The following CDK13 variants were observed in gnomAD, a reference collection of about 807,000 sequenced individuals.
CDK13 encodes the protein cyclin-dependent kinase 13.
A neutral mutation model predicts 137.6 loss-of-function variants in CDK13; 40 were observed. The observed-to-expected ratio is 0.29, with a 90% CI of 0.23 to 0.38. CDK13 has a LOEUF of 0.38. Among genes scored for constraint, CDK13 ranks in the 10% least tolerant of loss-of-function variants. The pLI is 1.00. For synonymous variants in CDK13, 869 were observed against 760.1 expected (o/e 1.14, Z -2.36); for missense variants, 1,704 against 1,951.8 (o/e 0.87, Z 2.39).
chr7:39,960,656 C>A (rs762958571), intron 1 of CDK13, among the ~76,000 whole-genome samples: 2 of 152,100 alleles, frequency 1.3e-5, no homozygotes, highest in Non-Finnish European at 2.9e-5. Context: ...ACTGTAACAA[C>A]CTACGCCTCC....
chr7:40,031,324 C>T (rs1785372922), intron 5 of CDK13, among the ~76,000 whole-genome samples: 1 of 152,126 alleles, frequency 6.6e-6, no homozygotes, highest in African/African-American at 2.4e-5. Context: ...GAGTTCAAGA[C>T]CAGCCCGGCC....
At chr7:40,073,623 C>T (rs117026957) in intron 9 of CDK13, 13,385 of 147,852 alleles carry the variant, frequency 0.091, 965 homozygotes, top group East Asian at 0.31. Context: ...GACAGAGCCT[C>T]GCTGTGTTGC....
Position 39,951,606 on chromosome 7 carries a change from G to A in CDK13, c.965G>A (p.Arg322Gln), listed in dbSNP as rs1414182204. The A allele has an allele frequency of 3.4e-6, 5 of 1,482,462 alleles. No individual in the cohort carries two copies. Among genetic ancestry groups the A allele is most frequent in the Non-Finnish European group, 3.6e-6 (4 of 1,119,524 alleles). 91.8% of individuals were successfully genotyped at this position (1,482,462 alleles called of 1,614,324 possible). The change falls in exon 1 of 14, where the codon CGG becomes CAG. Residue 322 changes from arginine to glutamine, a missense_variant. By Grantham distance (43) the Arg-to-Gln change is conservative (BLOSUM62 1). Transcript: ENST00000181839. The part of the protein sequence containing the change: ...RRRSLSPLGG[R>Q]DDSPVSHRAS... ...CGGTCCCTCAGCCCACTGGGAGGCC[G>A]GGACGACAGCCCGGTGTCCCACAGG...
In CDK13 at chr7:40,096,938, A is replaced by G. The variant is rs1228332392; in HGVS notation, c.*1958A>G. ...ATTTTGAAATTAGCAAAATAGCAAC[A>G]GTATTCAAGTATCTGAAATTTTAAT... On this transcript the variant is annotated 3_prime_UTR_variant, in exon 14 of 14. Transcript: ENST00000181839. 2.6e-5 allele frequency: 4 copies of G among 152,280 alleles called. No homozygotes were observed. Among genetic ancestry groups the G allele is most frequent in the Non-Finnish European group, 5.9e-5 (4 of 67,984 alleles). The allele number at this position is 152,280 out of a possible 1,614,324, so 9.4% of individuals were successfully genotyped here.
chr7:40,095,062 TGAA>T lies in CDK13; in HGVS notation c.*83_*85del. 1 of 1,164,770 alleles carries T rather than the reference TGAA, an allele frequency of 8.6e-7. No homozygotes were observed. The allele number at this position is 1,164,770 out of a possible 1,614,324, so 72.2% of individuals were successfully genotyped here. A position where few individuals can be genotyped will look rare whatever the true frequency, so the allele number is the denominator to read the frequency against. ...ATTTAAGGCAGCAATCCAAGAGACTTGAATAATAATAATTCAACAACAGCTTTA... is the reference window on the plus strand; with the variant it reads ...ATTTAAGGCAGCAATCCAAGAGACTTTAATAATAATTCAACAACAGCTTTA... On this transcript the variant is annotated 3_prime_UTR_variant, in exon 14 of 14. Transcript: ENST00000181839.
chr7:40,070,923 A>T (rs760891811), intron 9 of CDK13: 10 of 152,218 alleles, frequency 6.6e-5, no homozygotes, highest in Non-Finnish European at 1.3e-4. Flanking sequence ...CTTATGAGAT[A>T]AAAAGGATTA....
At chr7:40,050,127 A>G (rs774271514) in intron 7 of CDK13, among the ~76,000 whole-genome samples, 2 of 151,644 alleles carry the variant, frequency 1.3e-5, no homozygotes, top group Admixed American at 6.6e-5. Context: ...TACAGGCCAC[A>G]TTTTCTTTAT....
chr7:39,953,885 T>C (rs1787320858), intron 1 of CDK13, among the ~76,000 whole-genome samples: 1 of 152,192 alleles, frequency 6.6e-6, no homozygotes, highest in Non-Finnish European at 1.5e-5. Context: ...GACTTGAGTG[T>C]TTTAGCAAGA....
chr7:39,951,763 C>T lies in CDK13; in HGVS notation c.1122C>T (p.Ser374=), dbSNP rs747920641. 1 of 1,487,766 alleles carries T rather than the reference C, an allele frequency of 6.7e-7. No homozygotes were observed. The highest frequency in any genetic ancestry group is 1.4e-5 in the African/African-American group (1 of 69,052). The allele number at this position is 1,487,766 out of a possible 1,614,324, so 92.2% of individuals were successfully genotyped here. Residue 374 remains serine, a synonymous_variant, in exon 1 of 14, where the codon AGC becomes AGT. Transcript: ENST00000181839. The part of the protein sequence containing the change: ...RRRSPSYSRH[S]SYERGGDVSP... ...GCTCCCCCAGCTACAGCCGCCACAG[C>T]TCCTACGAGCGGGGCGGCGACGTGT...
intron 2 of CDK13, among the ~76,000 whole-genome samples, chr7:39,989,086 CAAAA>C (rs1213730855): frequency 6.4e-5 from 3 of 46,680 alleles, no homozygotes; most frequent in South Asian, 1.1e-3. Flanking sequence ...CGTGTCTCAC[CAAAA>C]AAAAAAAAAA....
At chr7:40,063,601 T>G (rs1273836610) in intron 9 of CDK13, among the ~76,000 whole-genome samples, 4 of 152,126 alleles carry the variant, frequency 2.6e-5, no homozygotes, top group Non-Finnish European at 4.4e-5. Flanking sequence ...TAGGACCTAG[T>G]TCATAAGCAA....
At chr7:40,053,336 T>A (rs1432415290) in intron 7 of CDK13, among the ~76,000 whole-genome samples, 1 of 152,222 alleles carries the variant, frequency 6.6e-6, no homozygotes, top group Non-Finnish European at 1.5e-5. Context: ...GTCTACTCCT[T>A]TTCCTTTATT....
rs548941535 is a variant in CDK13, at chr7:40,002,024, G to T, written c.2346G>T (p.Lys782Asn). ...AAGAAGATGCTTTGGATTTCAAGAA[G>T]GACAAAGGTATGTGTGCATATTTAA... ...TDKEDALDFK[K>N]DKGAFYLVFE... The change falls in exon 5 of 14, where the codon AAG becomes AAT. Residue 782 changes from lysine to asparagine, a missense_variant. This residue lies in a region of CDK13 where 130 missense variants were observed against 362.4 expected (regional missense o/e 0.36). Coordinates refer to ENST00000181839, the MANE Select transcript of CDK13 (RefSeq NM_003718.5). 1.2e-6 allele frequency: 2 copies of T among 1,602,758 alleles called. No homozygotes were observed. Among genetic ancestry groups the T allele is most frequent in the African/African-American group, 2.7e-5 (2 of 74,350 alleles).
chr7:39,988,287 T>A (rs777254552), intron 2 of CDK13, 29 bp downstream of exon 2: 1 of 1,531,034 alleles, frequency 6.5e-7, no homozygotes, highest in Non-Finnish European at 8.8e-7. Context: ...TGTCAATAAC[T>A]GTTCAAAGAA....
At chr7:40,028,319 C>T (rs762056867) in intron 5 of CDK13, among the ~76,000 whole-genome samples, 4 of 151,132 alleles carry the variant, frequency 2.6e-5, no homozygotes, top group South Asian at 2.1e-4. Flanking sequence ...CCCAGGTTCA[C>T]GTCATTCTGC....
At chr7:40,055,210 T>C (rs192258350) in intron 7 of CDK13, among the ~76,000 whole-genome samples, 72 of 148,716 alleles carry the variant, frequency 4.8e-4, no homozygotes, top group African/African-American at 1.8e-3. Context: ...TCCTGGGTTA[T>C]TGAGTTTATT....
At chr7:39,951,897 C>T in intron 1 of CDK13, 45 bp downstream of exon 1, 1 of 1,322,418 alleles carries the variant, frequency 7.6e-7, no homozygotes. Context: ...CTGCGCTGGC[C>T]AGATCCCCAG....
chr7:40,007,532 T>G (rs1784817730), intron 5 of CDK13, among the ~76,000 whole-genome samples: 1 of 152,196 alleles, frequency 6.6e-6, no homozygotes, highest in Admixed American at 6.5e-5. Context: ...GTTCAAGTGA[T>G]TCTCCTGTCT....
At chr7:40,061,698 GAAGT>G (rs1356236659) in intron 7 of CDK13, 2 of 152,288 alleles carry the variant, frequency 1.3e-5, no homozygotes, top group East Asian at 1.9e-4. Flanking sequence ...TGATCTCCCT[GAAGT>G]AAGTAACTAC....
Sources: gnomAD v4.1 joint callset for allele counts (sites outside exome capture counted in the v4.1 genomes callset) on GRCh38, gnomAD v4.1.1 for gene constraint, gnomAD v4.1.1 regional missense constraint, MANE v1.5 for transcripts, NCBI Gene and HGNC (gene_info 2026-07-23, HGNC 2026-07-21) for gene names.